The following DNER variants were observed in gnomAD, a reference collection of about 807,000 sequenced individuals.
DNER encodes the protein delta/notch like EGF repeat containing.
Under a neutral mutation model 78.2 loss-of-function variants are expected in DNER, and 33 were observed. The ratio of observed to expected loss-of-function variants is 0.42; its 90% CI spans 0.32 to 0.56. The LOEUF (loss-of-function observed/expected upper bound fraction) is 0.56, where lower values mean the gene tolerates loss of function less well. DNER is among the 20% of genes least tolerant of loss of function. The probability of loss-of-function intolerance (pLI) is 0.11; values close to 1 mark genes in which losing one functional copy is unlikely to be tolerated. For missense variants in DNER, 918 were observed against 975.3 expected (o/e 0.94, Z 0.78); for synonymous variants, 417 against 384.8 (o/e 1.08, Z -0.98).
chr2:229,414,658 T>C (rs1487912348), intron 9 of DNER, among the ~76,000 whole-genome samples: 1 of 152,160 alleles, frequency 6.6e-6, no homozygotes, highest in Admixed American at 6.5e-5. Flanking sequence ...CCACTTTACT[T>C]GTTGAAATTT....
chr2:229,407,399 T>A, intron 9 of DNER, 54 bp from the exon 10 acceptor site: 1 of 1,543,900 alleles, frequency 6.5e-7, no homozygotes, highest in Non-Finnish European at 8.9e-7. Context: ...CTGGCTCCCA[T>A]GGCCTCTGAA....
At chr2:229,668,522 GTGTGTGTGTGTGTGTA>G (rs1268111575) in intron 1 of DNER, among the ~76,000 whole-genome samples, 3 of 89,368 alleles carry the variant, frequency 3.4e-5, no homozygotes, top group Non-Finnish European at 4.1e-5. Context: ...AAGTATGTGT[GTGTGTGTGTGTGTGTA>G]TATATATATA....
intron 8 of DNER, among the ~76,000 whole-genome samples, chr2:229,424,580 C>T (rs1693835271): frequency 6.6e-6 from 1 of 152,150 alleles, no homozygotes; most frequent in African/African-American, 2.4e-5. Flanking sequence ...TCTATGAGTC[C>T]TCACATGTCC....
chr2:229,603,740 G>A (rs1289904012), intron 1 of DNER, among the ~76,000 whole-genome samples: 1 of 151,604 alleles, frequency 6.6e-6, no homozygotes, highest in Non-Finnish European at 1.5e-5. Flanking sequence ...ATATTTTGGG[G>A]GGGTGCTTTT....
intron 1 of DNER, among the ~76,000 whole-genome samples, chr2:229,620,655 G>A (rs1480427874): frequency 6.6e-6 from 1 of 152,240 alleles, no homozygotes. Flanking sequence ...CCCACACTGG[G>A]ATGGGGCGTC....
At chr2:229,359,873 C>T (rs1235951190) in intron 12 of DNER, among the ~76,000 whole-genome samples, 11 of 152,186 alleles carry the variant, frequency 7.2e-5, no homozygotes. Context: ...TATGCTATGC[C>T]AGACAGGCAC....
intron 12 of DNER, among the ~76,000 whole-genome samples, chr2:229,365,363 G>T (rs942204234): frequency 6.6e-6 from 1 of 152,184 alleles, no homozygotes; most frequent in South Asian, 2.1e-4. Context: ...GTCCTTGATG[G>T]AAACAAGACG....
At chr2:229,530,846 CCT>C (rs1182879801) in intron 5 of DNER, among the ~76,000 whole-genome samples, 1 of 152,164 alleles carries the variant, frequency 6.6e-6, no homozygotes, top group African/African-American at 2.4e-5. Context: ...GAATGATTCC[CCT>C]GTTACCGATC....
intron 8 of DNER, among the ~76,000 whole-genome samples, chr2:229,437,391 C>T (rs906991060): frequency 2.0e-5 from 3 of 152,168 alleles, no homozygotes; most frequent in African/African-American, 7.2e-5. Flanking sequence ...TGCTTTCAAA[C>T]TGCAAATTAA....
rs138850626 is a variant in DNER, at chr2:229,651,072, T to A, written c.277-59184A>T. Among the ~76,000 whole-genome samples, 1,026 of 152,238 alleles carry A rather than the reference T, an allele frequency of 6.7e-3. 11 individuals are homozygous for A. The highest frequency in any genetic ancestry group is 0.027 in the Middle Eastern group (8 of 294). ...ACACAGCCAGGCCATTCAGCCTCGC[T>A]CTAATTCGAGTTGAGTCAAGTGATG... On this transcript the variant is annotated intron_variant, in intron 1 of 12. Coordinates refer to ENST00000341772, the MANE Select transcript of DNER (RefSeq NM_139072.4).
At chr2:229,669,324 C>A (rs991557683) in intron 1 of DNER, among the ~76,000 whole-genome samples, 1 of 151,112 alleles carries the variant, frequency 6.6e-6, no homozygotes, top group Non-Finnish European at 1.5e-5. Flanking sequence ...ATGTAGCAAA[C>A]CTGCACGTTC....
At chr2:229,614,536 C>G (rs1436073760) in intron 1 of DNER, among the ~76,000 whole-genome samples, 2 of 152,220 alleles carry the variant, frequency 1.3e-5, no homozygotes, top group African/African-American at 4.8e-5. Flanking sequence ...GACTCTCCTA[C>G]AGGACGTTTT....
At chr2:229,483,607 A>C (rs1259293013) in intron 6 of DNER, among the ~76,000 whole-genome samples, 1 of 152,190 alleles carries the variant, frequency 6.6e-6, no homozygotes, top group Non-Finnish European at 1.5e-5. Flanking sequence ...GTTTAAGTTT[A>C]CTTCTCACAA....
At chr2:229,551,863 C>T (rs939618774) in intron 4 of DNER, among the ~76,000 whole-genome samples, 10 of 151,882 alleles carry the variant, frequency 6.6e-5, no homozygotes, top group African/African-American at 2.4e-4. Context: ...ACCCGGGAGG[C>T]GGAGGTTGCA....
chr2:229,704,939 A>T (rs1340913703), intron 1 of DNER, among the ~76,000 whole-genome samples: 1 of 152,246 alleles, frequency 6.6e-6, no homozygotes, highest in Non-Finnish European at 1.5e-5. Flanking sequence ...CTAAAGTAAT[A>T]TACCTCGGAC....
At chr2:229,696,885 T>C (rs1038194923) in intron 1 of DNER, among the ~76,000 whole-genome samples, 1 of 152,178 alleles carries the variant, frequency 6.6e-6, no homozygotes, top group African/African-American at 2.4e-5. Context: ...CCAGGGGGGA[T>C]CCTGGGGCTC....
At position 229,515,635 on chromosome 2, in the gene DNER, C is replaced by CTTTTTTT. The variant is rs1409850665; in HGVS notation, c.994-2700_994-2699insAAAAAAA. On this transcript the variant is annotated intron_variant, in intron 5 of 12. Transcript: ENST00000341772. ...CCCAAATCAAATATCTTCAAGTTAG[C>CTTTTTTT]TTTATTTTTTTATTTTTTTTTTTTT... Among the ~76,000 whole-genome samples, 5 of 123,250 alleles carry CTTTTTTT rather than the reference C, an allele frequency of 4.1e-5. 1 individual carries two copies. The highest frequency in any genetic ancestry group is 6.8e-5 in the Non-Finnish European group (4 of 58,748). 80.9% of individuals were successfully genotyped at this position (123,250 alleles called of 152,430 possible). A position where few individuals can be genotyped will look rare whatever the true frequency, so the allele number is the denominator to read the frequency against.
chr2:229,575,867 T>C (rs1697288806), intron 4 of DNER, among the ~76,000 whole-genome samples: 3 of 152,168 alleles, frequency 2.0e-5, no homozygotes, highest in Admixed American at 2.0e-4. Context: ...CATTAAGTAA[T>C]AGAAGATCAA....
chr2:229,665,787 G>C (rs544809319), intron 1 of DNER, among the ~76,000 whole-genome samples: 25 of 152,302 alleles, frequency 1.6e-4, no homozygotes, highest in African/African-American at 6.0e-4. Flanking sequence ...AGGTGAGTCG[G>C]AAGTGATCTG....
Sources: gnomAD v4.1 joint callset for allele counts (sites outside exome capture counted in the v4.1 genomes callset) on GRCh38, gnomAD v4.1.1 for gene constraint, MANE v1.5 for transcripts, NCBI Gene and HGNC (gene_info 2026-07-23, HGNC 2026-07-21) for gene names.